MCU: variants seen among roughly 807,000 people sequenced by gnomAD.
MCU encodes the protein mitochondrial calcium uniporter.
Under a neutral mutation model 45.2 loss-of-function variants are expected in MCU, and 12 were observed. The ratio of observed to expected loss-of-function variants is 0.27; its 90% CI spans 0.17 to 0.43. The LOEUF (loss-of-function observed/expected upper bound fraction) is 0.43, where lower values mean the gene tolerates loss of function less well. MCU is among the 20% of genes least tolerant of loss of function. MCU has a pLI of 1.00. For synonymous variants in MCU, 160 were observed against 165.1 expected (o/e 0.97, Z 0.24); for missense variants, 324 against 436.7 (o/e 0.74, Z 2.30).
intron 1 of MCU, among the ~76,000 whole-genome samples, chr10:72,795,540 C>A (rs927155144): frequency 1.3e-5 from 2 of 152,094 alleles, no homozygotes; most frequent in Non-Finnish European, 2.9e-5. Flanking sequence ...TAGTGTATAA[C>A]ATGATATAAT....
intron 1 of MCU, among the ~76,000 whole-genome samples, chr10:72,765,852 C>G (rs372837880): frequency 2.1e-5 from 3 of 142,224 alleles, no homozygotes; most frequent in Admixed American, 1.4e-4. Context: ...TGACTATTTT[C>G]TTTTATTTTA....
intron 1 of MCU, among the ~76,000 whole-genome samples, chr10:72,787,968 C>T (rs1844100796): frequency 6.6e-6 from 1 of 152,150 alleles, no homozygotes. Context: ...CCATCCGCCT[C>T]GGCCTCCCAA....
At chr10:72,786,732 C>T (rs759090472) in intron 1 of MCU, among the ~76,000 whole-genome samples, 14 of 151,820 alleles carry the variant, frequency 9.2e-5, no homozygotes, top group Non-Finnish European at 1.8e-4. Context: ...GGCAACAGAG[C>T]GAGACAATGT....
rs187634554 is a variant in MCU at position 72,882,870 on chromosome 10, G to A, written c.862-1396G>A. Among the ~76,000 whole-genome samples the A allele has an allele frequency of 4.5e-3, 689 of 152,146 alleles. 5 individuals carry two copies. Among genetic ancestry groups the A allele is most frequent in the African/African-American group, 0.016 (652 of 41,470 alleles). On this transcript the variant is annotated intron_variant, in intron 6 of 7. Coordinates refer to ENST00000373053, the MANE Select transcript of MCU (RefSeq NM_138357.3). ...GGTTTTGCGGCTTGTGGGGCATCACGGAACCTACCGACATGTGATGTCCCC... is the reference window on the plus strand; with the variant it reads ...GGTTTTGCGGCTTGTGGGGCATCACAGAACCTACCGACATGTGATGTCCCC...
chr10:72,714,638 G>A (rs575033351), intron 1 of MCU, among the ~76,000 whole-genome samples: 12 of 151,792 alleles, frequency 7.9e-5, no homozygotes, highest in South Asian at 2.1e-4. Flanking sequence ...TCTGCCTCCC[G>A]GGTTAAAGCA....
intron 1 of MCU, among the ~76,000 whole-genome samples, chr10:72,752,119 G>A (rs201779572): frequency 6.6e-6 from 1 of 152,178 alleles, no homozygotes; most frequent in East Asian, 1.9e-4. Context: ...GATTACAGGT[G>A]TGAGCCACCA....
chr10:72,747,494 T>G (rs1171284919), intron 1 of MCU, among the ~76,000 whole-genome samples: 4 of 152,178 alleles, frequency 2.6e-5, no homozygotes, highest in African/African-American at 7.2e-5. Context: ...GTGCCTGTTA[T>G]GCCTGCTATT....
chr10:72,744,844 C>A (rs184570716), intron 1 of MCU, among the ~76,000 whole-genome samples: 36 of 152,310 alleles, frequency 2.4e-4, no homozygotes, highest in African/African-American at 7.0e-4. Flanking sequence ...GTTAGATAGA[C>A]CTCTGGGGTC....
intron 1 of MCU, among the ~76,000 whole-genome samples, chr10:72,714,343 G>GTTTTTTTTTTTTTTTTT (rs1479850646): frequency 1.0e-3 from 50 of 49,446 alleles, no homozygotes; most frequent in Non-Finnish European, 2.3e-3. Context: ...CCCCGCCCTG[G>GTTTTTTTTTTTTTTTTT]TCTTTTTTTT....
intron 2 of MCU, among the ~76,000 whole-genome samples, chr10:72,838,993 A>G (rs1156543738): frequency 1.4e-5 from 2 of 141,028 alleles, no homozygotes; most frequent in Non-Finnish European, 3.1e-5. Flanking sequence ...CAAATCATCT[A>G]TTTTTTTTTT....
intron 6 of MCU, among the ~76,000 whole-genome samples, chr10:72,877,895 A>G (rs536225442): frequency 1.2e-4 from 18 of 152,214 alleles, no homozygotes; most frequent in African/African-American, 4.1e-4. Context: ...AAAGGCTACC[A>G]TTGTAGAATA....
chr10:72,848,883 G>A (rs1000862798), intron 2 of MCU, among the ~76,000 whole-genome samples: 1 of 152,104 alleles, frequency 6.6e-6, no homozygotes, highest in Non-Finnish European at 1.5e-5. Flanking sequence ...CTGGAATTAA[G>A]GACTCCAATT....
intron 2 of MCU, among the ~76,000 whole-genome samples, chr10:72,854,170 G>T (rs1845252077): frequency 6.6e-6 from 1 of 152,132 alleles, no homozygotes; most frequent in Non-Finnish European, 1.5e-5. Context: ...GCACATGCCT[G>T]TAGTCCCAGC....
chr10:72,806,387 C>T (rs374329378), intron 1 of MCU, among the ~76,000 whole-genome samples: 18 of 152,122 alleles, frequency 1.2e-4, no homozygotes, highest in East Asian at 7.7e-4. Flanking sequence ...CTTGAAGTCC[C>T]GACCTCAGCT....
At chr10:72,877,171 C>T (rs929895736) in intron 6 of MCU, among the ~76,000 whole-genome samples, 3 of 152,134 alleles carry the variant, frequency 2.0e-5, no homozygotes, top group African/African-American at 7.2e-5. Context: ...TCCTCCGCCT[C>T]AGCCTCTCAA....
At chr10:72,736,938 G>A (rs1191699569) in intron 1 of MCU, among the ~76,000 whole-genome samples, 1 of 152,196 alleles carries the variant, frequency 6.6e-6, no homozygotes, top group Non-Finnish European at 1.5e-5. Flanking sequence ...AGCTTTCACA[G>A]GCTGGTCGCT....
intron 2 of MCU, among the ~76,000 whole-genome samples, chr10:72,856,887 T>A (rs1375006426): frequency 7.4e-6 from 1 of 134,772 alleles, no homozygotes; most frequent in Non-Finnish European, 1.5e-5. Context: ...GAGTCTGCAG[T>A]GAGCTGTGAT....
intron 2 of MCU, among the ~76,000 whole-genome samples, chr10:72,849,703 G>A (rs899304560): frequency 2.0e-5 from 3 of 152,120 alleles, no homozygotes; most frequent in Admixed American, 1.3e-4. Context: ...AAAGCTAGAA[G>A]CATCATAGAA....
chr10:72,775,895 T>C (rs1843885626), intron 1 of MCU, among the ~76,000 whole-genome samples: 1 of 152,172 alleles, frequency 6.6e-6, no homozygotes, highest in South Asian at 2.1e-4. Context: ...CCAGGTGCAG[T>C]GACTCATACC....
Sources: allele counts gnomAD v4.1 joint callset (sites outside exome capture counted in the v4.1 genomes callset), GRCh38; gene constraint gnomAD v4.1.1; transcripts MANE v1.5; gene names NCBI Gene and HGNC (gene_info 2026-07-23, HGNC 2026-07-21).